The following FRY variants were observed in gnomAD, a reference collection of about 807,000 sequenced individuals.
The protein encoded by FRY is FRY microtubule binding protein, also known as protein furry homolog.
In FRY, 128 loss-of-function variants were observed where a neutral mutation model predicts 348.4. The ratio of observed to expected loss-of-function variants is 0.37; its 90% CI spans 0.32 to 0.43. The LOEUF (loss-of-function observed/expected upper bound fraction) is 0.43, where lower values mean the gene tolerates loss of function less well. Ranked by LOEUF, FRY falls within the 20% of genes least tolerant of loss-of-function variation. FRY has a pLI of 1.00. For synonymous variants in FRY, 1,370 were observed against 1,374.7 expected, an observed-to-expected ratio of 1.00 and a Z score of 0.08; for missense variants, 2,736 against 3,695.2, an observed-to-expected ratio of 0.74 and a Z score of 6.73.
Position 32,239,500 on chromosome 13 carries a change from C to G in FRY, c.6516+151C>G, listed in dbSNP as rs2138464001. On this transcript the variant is annotated intron_variant, in intron 45 of 60. Coordinates refer to ENST00000542859, the MANE Select transcript of FRY (RefSeq NM_023037.3). This position sits in a 1 kb window ranked among gnomAD's most constrained non-coding sequence, Gnocchi z 4.3. ...CACAGTAATGGAAATATAGGGGTGGCTGATGCAAATTGTCTTGCTTGCTTT... is the reference window on the plus strand; with the variant it reads ...CACAGTAATGGAAATATAGGGGTGGGTGATGCAAATTGTCTTGCTTGCTTT... 1 of 717,266 alleles carries G rather than the reference C, an allele frequency of 1.4e-6. No homozygotes were observed. The highest frequency in any genetic ancestry group is 2.7e-5 in the East Asian group (1 of 37,464). The allele number at this position is 717,266 out of a possible 1,614,324, so 44.4% of individuals were successfully genotyped here.
chr13:32,123,526 G>C (rs1458002694), intron 4 of FRY, among the ~76,000 whole-genome samples: 1 of 152,132 alleles, frequency 6.6e-6, no homozygotes, highest in Non-Finnish European at 1.5e-5. Context: ...CTGCAGTCCT[G>C]CTCAAATTGG....
At chr13:32,162,274 A>C (rs959161761) in intron 17 of FRY, among the ~76,000 whole-genome samples, 9 of 152,232 alleles carry the variant, frequency 5.9e-5, no homozygotes, top group African/African-American at 2.2e-4. Flanking sequence ...ACAAATAGTC[A>C]TGCTGACTGA....
intron 28 of FRY, among the ~76,000 whole-genome samples, chr13:32,193,574 C>A (rs1317152159): frequency 6.7e-6 from 1 of 148,572 alleles, no homozygotes; most frequent in Non-Finnish European, 1.5e-5. Flanking sequence ...AAAAAAATTG[C>A]CAATAAAGTC....
chr13:32,091,481 G>A (rs760218142), intron 2 of FRY, among the ~76,000 whole-genome samples: 1 of 152,230 alleles, frequency 6.6e-6, no homozygotes. Context: ...GAGATCTGAT[G>A]AGAAAAAGAT....
At chr13:32,277,649 T>C (rs1888596118) in intron 57 of FRY, among the ~76,000 whole-genome samples, 1 of 100,822 alleles carries the variant, frequency 9.9e-6, no homozygotes, top group Non-Finnish European at 2.1e-5. Context: ...AAGAAAATGT[T>C]CATTGTAAAG....
At chr13:32,120,388 T>C (rs917076320) in intron 4 of FRY, among the ~76,000 whole-genome samples, 2 of 152,056 alleles carry the variant, frequency 1.3e-5, no homozygotes, top group Non-Finnish European at 2.9e-5. Context: ...ATCAGTGTGT[T>C]AGTCAAGCAG....
chr13:32,185,030 A>G lies in FRY; in HGVS notation c.3201A>G (p.Glu1067=), dbSNP rs779759953. The G allele has an allele frequency of 1.7e-5, 28 of 1,613,758 alleles. No homozygotes were observed. The highest frequency in any genetic ancestry group is 2.2e-5 in the Non-Finnish European group (26 of 1,179,778). Residue 1067 remains glutamate (E), a synonymous_variant, in exon 26 of 61, where the codon GAA becomes GAG. Coordinates refer to ENST00000542859, the MANE Select transcript of FRY (RefSeq NM_023037.3). ...TAGCCCTGGGAGCTTTGTTCTTAGA[A>G]TATGTGGACTTGACCCGCATGCTCC... ...DTLALGALFL[E]YVDLTRMLLE...
chr13:32,031,853 T>C lies in FRY; in HGVS notation c.58T>C (p.Ser20Pro). Residue 20 changes from serine (S) to proline (P), a missense_variant, in exon 1 of 61, where the codon TCC (serine) becomes CCC (proline). This residue lies in a region of FRY where 309 missense variants were observed against 418.1 expected (regional missense o/e 0.74). Coordinates refer to ENST00000542859, the MANE Select transcript of FRY (RefSeq NM_023037.3). ...GATCAGTATCAAATATTTACTGAAA[T>C]CCTGGAGTAATAGTGAGTAATAGAA... ...FEISIKYLLKSWSNTSPVGNG... is the reference protein window; with the variant it reads ...FEISIKYLLKPWSNTSPVGNG... 1 of 1,570,494 alleles carries C rather than the reference T, an allele frequency of 6.4e-7. No individual in the cohort carries two copies. Among genetic ancestry groups the C allele is most frequent in the Non-Finnish European group, 8.8e-7 (1 of 1,141,584 alleles).
At position 32,042,087 on chromosome 13, in the gene FRY, C is replaced by T. The variant is rs150011133; in HGVS notation, c.70+10222C>T. On this transcript the variant is annotated intron_variant, in intron 1 of 60. Coordinates refer to ENST00000542859, the MANE Select transcript of FRY (RefSeq NM_023037.3). ...ATCTGTTTTGTTAACCATGTCAATC[C>T]TTAGCACCACTTTCTAGAGGGGAAG... Among the ~76,000 whole-genome samples the T allele has an allele frequency of 3.0e-3, 461 of 152,168 alleles. 1 individual carries two copies. The highest frequency in any genetic ancestry group is 0.011 in the African/African-American group (440 of 41,514).
intron 1 of FRY, chr13:32,060,990 CT>C: frequency 2.2e-6 from 1 of 453,208 alleles, no homozygotes; most frequent in Non-Finnish European, 4.6e-6. Flanking sequence ...GGCTGAGACA[CT>C]TATGGTGGCA....
At position 32,078,856 on chromosome 13, in the gene FRY, C is replaced by T. The variant is rs1875283746; in HGVS notation, c.93C>T (p.Tyr31=). The T allele has an allele frequency of 6.2e-7, 1 of 1,614,052 alleles. No homozygotes were observed. Among genetic ancestry groups the T allele is most frequent in the Non-Finnish European group, 8.5e-7 (1 of 1,179,952 alleles). Residue 31 remains tyrosine (Y), a synonymous_variant, in exon 2 of 61, where the codon TAC becomes TAT. Coordinates refer to ENST00000542859, the MANE Select transcript of FRY (RefSeq NM_023037.3). ...CAGCTTCTCCCGTTGGCAACGGTTA[C>T]ATCAAGCCTCCGGTTCCACCTGCTT... The part of the protein sequence containing the change: ...WSNTSPVGNG[Y]IKPPVPPASG...
rs116420416 is a variant in FRY at position 32,192,779 on chromosome 13, C to T, written c.3592-1364C>T. On this transcript the variant is annotated intron_variant, in intron 28 of 60. Transcript: ENST00000542859. ...TTTTTTTTGAGACAGAGCCTCACTC[C>T]ATTGCCCCAGCTGGAGTGCAGTAGC... Among the ~76,000 whole-genome samples, 971 of 137,926 alleles carry T rather than the reference C, an allele frequency of 7.0e-3. 12 individuals carry two copies. The highest frequency in any genetic ancestry group is 0.025 in the African/African-American group (932 of 36,716). 90.5% of individuals were successfully genotyped at this position (137,926 alleles called of 152,430 possible). A position where few individuals can be genotyped will look rare whatever the true frequency, so the allele number is the denominator to read the frequency against.
intron 29 of FRY, among the ~76,000 whole-genome samples, chr13:32,197,290 C>G (rs1473083808): frequency 6.6e-6 from 1 of 152,012 alleles, no homozygotes; most frequent in Non-Finnish European, 1.5e-5. Flanking sequence ...TAAGTCAGGC[C>G]TAGCAAACTT....
Position 32,103,628 on chromosome 13 carries a change from T to C in FRY, c.324+1612T>C, listed in dbSNP as rs142110194. ...GTATATATGTAACAAACCTGCACGT[T>C]GTGCACATGTACCCTAAAACTTAAA... On this transcript the variant is annotated intron_variant, in intron 3 of 60. Transcript: ENST00000542859. Among the ~76,000 whole-genome samples the C allele has an allele frequency of 2.0e-3, 300 of 152,232 alleles. 1 individual carries two copies. Among genetic ancestry groups the C allele is most frequent in the African/African-American group, 7.0e-3 (289 of 41,526 alleles).
At chr13:32,125,029 T>C (rs1024053000) in intron 7 of FRY, 154 bp downstream of exon 7, 8 of 714,038 alleles carry the variant, frequency 1.1e-5, no homozygotes, top group Non-Finnish European at 2.1e-5. Context: ...AGAAAGCTCT[T>C]CCAAGACAGG....
At position 32,140,095 on chromosome 13, in the gene FRY, C is replaced by A. The variant is rs9590782; in HGVS notation, c.1179+3123C>A. 4.0e-3 allele frequency among the ~76,000 whole-genome samples: 505 copies of A among 126,688 alleles called. 4 individuals are homozygous for A. The highest frequency in any genetic ancestry group is 0.016 in the African/African-American group (404 of 25,566). The allele number at this position is 126,688 out of a possible 152,430, so 83.1% of individuals were successfully genotyped here. A position where few individuals can be genotyped will look rare whatever the true frequency, so the allele number is the denominator to read the frequency against. ...GAGGCCCAGATTATTAAAAAAAAAA[C>A]AAAAACAGAAAAGAAACCTCAAAGG... is the stretch of plus-strand genomic sequence containing the variant. On this transcript the variant is annotated intron_variant, in intron 11 of 60. Coordinates refer to ENST00000542859, the MANE Select transcript of FRY (RefSeq NM_023037.3).
chr13:32,056,430 A>G (rs1873626307), intron 1 of FRY, among the ~76,000 whole-genome samples: 1 of 152,160 alleles, frequency 6.6e-6, no homozygotes, highest in Non-Finnish European at 1.5e-5. Context: ...TGTTTGCTGG[A>G]TATGTCTTTA....
At chr13:32,144,379 A>T (rs113263372) in intron 11 of FRY, among the ~76,000 whole-genome samples, 1,534 of 149,878 alleles carry the variant, frequency 0.01, 16 homozygotes, top group African/African-American at 0.036. Context: ...GACTATATGA[A>T]GTAGGCCATA....
At position 32,114,573 on chromosome 13, in the gene FRY, G is replaced by A. The variant is rs538720503; in HGVS notation, c.325-2761G>A. ...TACCACATGAACGTTTAGTCATCAT[G>A]TCTCCTTAGATTCGGCAGATTTACA... On this transcript the variant is annotated intron_variant, in intron 3 of 60. Transcript: ENST00000542859. 3.9e-5 allele frequency among the ~76,000 whole-genome samples: 6 copies of A among 152,200 alleles called. No individual in the cohort carries two copies. In the South Asian group the frequency reaches 1.2e-3, roughly 32 times the overall value.
Sources: gnomAD v4.1 joint callset for allele counts (sites outside exome capture counted in the v4.1 genomes callset) on GRCh38, gnomAD v4.1.1 for gene constraint, gnomAD v4.1.1 regional missense constraint, Gnocchi (gnomAD v3.1) non-coding constraint, MANE v1.5 for transcripts, NCBI Gene and HGNC (gene_info 2026-07-23, HGNC 2026-07-21) for gene names.